The following SLC25A16 variants were observed in gnomAD, a reference collection of about 807,000 sequenced individuals.
The protein encoded by SLC25A16 is solute carrier family 25 member 16, also known as mitochondrial coenzyme A transporter SLC25A16.
Under a neutral mutation model 41.5 loss-of-function variants are expected in SLC25A16, and 39 were observed. The observed-to-expected ratio is 0.94, with a 90% confidence interval of 0.73 to 1.23. The LOEUF is 1.23. Ranked by LOEUF, SLC25A16 falls within the 50% of genes most tolerant of loss-of-function variation. The probability of loss-of-function intolerance (pLI) is 0.00; values close to 1 mark genes in which losing one functional copy is unlikely to be tolerated. For missense variants in SLC25A16, 421 were observed against 426.9 expected, an observed-to-expected ratio of 0.99 and a Z score of 0.12; for synonymous variants, 146 against 147.8, an observed-to-expected ratio of 0.99 and a Z score of 0.09.
At chr10:68,520,072 T>TC (rs2053225900) in intron 1 of SLC25A16, among the ~76,000 whole-genome samples, 1 of 148,552 alleles carries the variant, frequency 6.7e-6, no homozygotes, top group African/African-American at 2.5e-5. Context: ...TGCCCCAGCC[T>TC]CCCGAGTAGG....
chr10:68,527,476 G>T lies in SLC25A16; in HGVS notation c.-101C>A. The stretch of plus-strand genomic sequence containing the variant: ...GTGACAGGAGGCTGACCGCCCCGCC[G>T]GCGGGGCAAAGTAACACCCGGCGGC... On this transcript the variant is annotated 5_prime_UTR_variant, in exon 1 of 9. Coordinates refer to ENST00000609923, the MANE Select transcript of SLC25A16 (RefSeq NM_152707.4). The T allele has an allele frequency of 1.6e-6, 2 of 1,235,456 alleles. No homozygotes were observed. Among genetic ancestry groups the T allele is most frequent in the Non-Finnish European group, 1.1e-6 (1 of 938,740 alleles). 76.5% of individuals were successfully genotyped at this position (1,235,456 alleles called of 1,614,324 possible).
rs916364683 is a variant in SLC25A16 at position 68,482,732 on chromosome 10, T to A, written c.*700A>T. The A allele has an allele frequency of 6.6e-6, 1 of 152,136 alleles. No individual in the cohort carries two copies. Among genetic ancestry groups the A allele is most frequent in the Non-Finnish European group, 1.5e-5 (1 of 68,038 alleles). 9.4% of individuals were successfully genotyped at this position (152,136 alleles called of 1,614,324 possible). On this transcript the variant is annotated 3_prime_UTR_variant, in exon 9 of 9. Transcript: ENST00000609923. ...CGTTCATTCATTTATTAAGTGGGGTTTCATGATGTTGCATAGGCTGGCATG... is the reference window on the plus strand; with the variant it reads ...CGTTCATTCATTTATTAAGTGGGGTATCATGATGTTGCATAGGCTGGCATG...
chr10:68,523,928 G>A (rs2053289251), intron 1 of SLC25A16, among the ~76,000 whole-genome samples: 1 of 151,950 alleles, frequency 6.6e-6, no homozygotes, highest in African/African-American at 2.4e-5. Flanking sequence ...GTAAAACCCT[G>A]TCTCTGCTAA....
At chr10:68,495,494 T>C (rs1364800140) in intron 4 of SLC25A16, among the ~76,000 whole-genome samples, 1 of 150,270 alleles carries the variant, frequency 6.7e-6, no homozygotes, top group Non-Finnish European at 1.5e-5. Context: ...AAAGAGTATA[T>C]ACTCTAGGGC....
intron 1 of SLC25A16, among the ~76,000 whole-genome samples, chr10:68,525,293 G>A (rs760755916): frequency 6.6e-6 from 1 of 151,858 alleles, no homozygotes; most frequent in South Asian, 2.1e-4. Context: ...GTGCCACCAC[G>A]CCTGACAAAT....
intron 2 of SLC25A16, among the ~76,000 whole-genome samples, chr10:68,513,173 ACTCT>A (rs961215852): frequency 6.8e-6 from 1 of 146,398 alleles, no homozygotes; most frequent in Non-Finnish European, 1.5e-5. Flanking sequence ...AGTGAGACCT[ACTCT>A]CTATTTTTTT....
chr10:68,518,548 G>A (rs1041086037), intron 1 of SLC25A16, among the ~76,000 whole-genome samples: 15 of 152,022 alleles, frequency 9.9e-5, no homozygotes, highest in African/African-American at 3.6e-4. Flanking sequence ...GGCCGAGGCG[G>A]GCAGATCACG....
At chr10:68,521,675 G>A (rs892933363) in intron 1 of SLC25A16, among the ~76,000 whole-genome samples, 1 of 145,534 alleles carries the variant, frequency 6.9e-6, no homozygotes, top group African/African-American at 2.6e-5. Flanking sequence ...CTCACTGCAA[G>A]CTCCGCCTCC....
chr10:68,486,552 T>C (rs2133487342), intron 8 of SLC25A16, among the ~76,000 whole-genome samples: 1 of 152,024 alleles, frequency 6.6e-6, no homozygotes, highest in East Asian at 2.0e-4. Flanking sequence ...TTTTGTATTT[T>C]TAGTACAGAT....
At chr10:68,524,330 A>AAAC (rs1417223553) in intron 1 of SLC25A16, among the ~76,000 whole-genome samples, 1 of 134,142 alleles carries the variant, frequency 7.5e-6, no homozygotes, top group Non-Finnish European at 1.6e-5. Flanking sequence ...AAAAAAAAAA[A>AAAC]AGAGAGATCG....
At chr10:68,504,367 A>G (rs997523903) in intron 3 of SLC25A16, among the ~76,000 whole-genome samples, 1 of 150,484 alleles carries the variant, frequency 6.6e-6, no homozygotes, top group African/African-American at 2.4e-5. Context: ...AAGTCCTGAT[A>G]CACAAATGGC....
intron 4 of SLC25A16, among the ~76,000 whole-genome samples, chr10:68,500,357 G>T (rs1348048037): frequency 6.6e-6 from 1 of 152,086 alleles, no homozygotes; most frequent in East Asian, 1.9e-4. Context: ...GCCAACGCTG[G>T]AGTGTAGTAA....
chr10:68,503,019 G>T (rs1048888663), intron 4 of SLC25A16: 1 of 151,830 alleles, frequency 6.6e-6, no homozygotes, highest in African/African-American at 2.4e-5. Flanking sequence ...AAGGAAAGGA[G>T]AAGGAAAGAA....
chr10:68,494,619 G>A (rs10998226), intron 4 of SLC25A16, among the ~76,000 whole-genome samples: 7,029 of 149,766 alleles, frequency 0.047, 647 homozygotes, highest in South Asian at 0.19. Flanking sequence ...GCTCACGCCT[G>A]TAGTCCCAAC....
rs565396450 is a variant in SLC25A16 at position 68,502,169 on chromosome 10, G to A, written c.421+1463C>T. ...GAGATTGTGGCAGTGAGCTGAGATC[G>A]TGCCACTGCACTCCAGCCTGGGCAA... On this transcript the variant is annotated intron_variant, in intron 4 of 8. Transcript: ENST00000609923. Among the ~76,000 whole-genome samples the A allele has an allele frequency of 2.5e-3, 383 of 151,822 alleles. 4 individuals carry two copies. Among genetic ancestry groups the A allele is most frequent in the African/African-American group, 9.1e-3 (375 of 41,386 alleles).
At position 68,527,264 on chromosome 10, in the gene SLC25A16, G is replaced by C. The variant is rs370412955; in HGVS notation, c.112C>G (p.Arg38Gly). The C allele has an allele frequency of 3.2e-6, 5 of 1,548,142 alleles. No individual in the cohort carries two copies. The highest frequency in any genetic ancestry group is 4.4e-6 in the Non-Finnish European group (5 of 1,145,768). The change falls in exon 1 of 9, where the codon CGC (arginine) becomes GGC (glycine). Residue 38 changes from arginine to glycine, a missense_variant. Physicochemically the swap from Arg to Gly is moderately radical, Grantham distance 125. Coordinates refer to ENST00000609923, the MANE Select transcript of SLC25A16 (RefSeq NM_152707.4). ...PTTRRDFYWL[R>G]SFLAGGIAGC... ...GACCCACCTCCGGCCAGAAAGGAGC[G>C]CAGCCAGTAGAAGTCTCTGCGGGTT...
chr10:68,493,375 C>A, intron 5 of SLC25A16, 74 bp downstream of exon 5: 1 of 1,324,012 alleles, frequency 7.6e-7, no homozygotes, highest in South Asian at 1.2e-5. Context: ...AGAATAATTA[C>A]TTATATGACA....
intron 2 of SLC25A16, 87 bp downstream of exon 2, chr10:68,516,664 T>G: frequency 5.5e-6 from 5 of 911,936 alleles, no homozygotes; most frequent in Non-Finnish European, 6.6e-6. Flanking sequence ...CTACTTTACT[T>G]TTTACACCCC....
Position 68,520,812 on chromosome 10 carries a change from C to CAA in SLC25A16, c.131-3971_131-3970dup, listed in dbSNP as rs563100705. On this transcript the variant is annotated intron_variant, in intron 1 of 8. Coordinates refer to ENST00000609923, the MANE Select transcript of SLC25A16 (RefSeq NM_152707.4). ...GGGCAACAAGAGCAAAACTCTGTCT[C>CAA]AAAAAAAAAAAAAAAAAAATACAAA... Among the ~76,000 whole-genome samples, 492 of 79,682 alleles carry CAA rather than the reference C, an allele frequency of 6.2e-3. 10 individuals are homozygous for CAA. The South Asian group carries it at 0.084, about 14-fold the overall frequency. 52.3% of individuals were successfully genotyped at this position (79,682 alleles called of 152,430 possible). A position where few individuals can be genotyped will look rare whatever the true frequency, so the allele number is the denominator to read the frequency against.
Sources: allele counts gnomAD v4.1 joint callset (sites outside exome capture counted in the v4.1 genomes callset), GRCh38; gene constraint gnomAD v4.1.1; transcripts MANE v1.5; gene names NCBI Gene and HGNC (gene_info 2026-07-23, HGNC 2026-07-21).